CALU: variants seen among roughly 807,000 people sequenced by gnomAD.
The protein encoded by CALU is calumenin.
Under a neutral mutation model 37.5 loss-of-function variants are expected in CALU, and 13 were observed. The ratio of observed to expected loss-of-function variants is 0.35; its 90% CI spans 0.23 to 0.55. CALU has a LOEUF of 0.55. CALU is among the 20% of genes least tolerant of loss of function. The probability of loss-of-function intolerance (pLI) is 0.89; values close to 1 mark genes in which losing one functional copy is unlikely to be tolerated. For synonymous variants in CALU, 114 were observed against 133.8 expected, an observed-to-expected ratio of 0.85 and a Z score of 1.02; for missense variants, 282 against 391.7, an observed-to-expected ratio of 0.72 and a Z score of 2.36.
At chr7:128,752,067 G>A (rs1344180095) in intron 2 of CALU, among the ~76,000 whole-genome samples, 4 of 152,048 alleles carry the variant, frequency 2.6e-5, no homozygotes, top group African/African-American at 9.7e-5. Flanking sequence ...CACTTCCAGT[G>A]TACTTACACA....
chr7:128,743,226 G>A (rs1436308282), intron 1 of CALU, among the ~76,000 whole-genome samples: 1 of 151,978 alleles, frequency 6.6e-6, no homozygotes, highest in Non-Finnish European at 1.5e-5. Flanking sequence ...ATTTTAGAGA[G>A]AGAAACTCAT....
At chr7:128,745,859 G>A (rs1253336876) in intron 1 of CALU, among the ~76,000 whole-genome samples, 1 of 152,146 alleles carries the variant, frequency 6.6e-6, no homozygotes, top group East Asian at 1.9e-4. Flanking sequence ...AGACAGTACA[G>A]CAGGATACAG....
At chr7:128,757,401 T>C (rs1800930222) in intron 3 of CALU, among the ~76,000 whole-genome samples, 1 of 142,162 alleles carries the variant, frequency 7.0e-6, no homozygotes, top group South Asian at 2.2e-4. Context: ...GTACACAGGA[T>C]CCCAAAGCCT....
At chr7:128,758,610 T>C (rs577683335) in intron 3 of CALU, among the ~76,000 whole-genome samples, 102 of 152,282 alleles carry the variant, frequency 6.7e-4, no homozygotes, top group African/African-American at 2.3e-3. Flanking sequence ...CTAGTAGCCT[T>C]AATACCAATA....
At chr7:128,754,602 C>T (rs1440735920) in intron 3 of CALU, 147 bp downstream of exon 3, 5 of 1,551,510 alleles carry the variant, frequency 3.2e-6, no homozygotes, top group Admixed American at 2.0e-5. Context: ...CTGGATTAAG[C>T]ACGCCCAGAA....
chr7:128,766,965 T>G (rs1294489175), intron 5 of CALU, among the ~76,000 whole-genome samples: 1 of 152,212 alleles, frequency 6.6e-6, no homozygotes, highest in Non-Finnish European at 1.5e-5. Flanking sequence ...ACTGAGTATC[T>G]GGAATTTGAT....
chr7:128,768,919 G>A (rs1176324885), intron 6 of CALU, 144 bp from the exon 7 acceptor site: 3 of 528,362 alleles, frequency 5.7e-6, no homozygotes, highest in African/African-American at 3.9e-5. Context: ...TATGTAGGGG[G>A]AATGAGGGCT....
At chr7:128,757,392 TAC>T in intron 3 of CALU, among the ~76,000 whole-genome samples, 1 of 151,646 alleles carries the variant, frequency 6.6e-6, no homozygotes, top group Non-Finnish European at 1.5e-5. Context: ...TGTGTGTGTG[TAC>T]ACAGGATCCC....
intron 5 of CALU, among the ~76,000 whole-genome samples, chr7:128,761,124 T>G (rs995671117): frequency 1.4e-4 from 21 of 152,214 alleles, no homozygotes; most frequent in African/African-American, 4.8e-4. Flanking sequence ...CCTTTTGACA[T>G]TTCCCTTTTT....
intron 5 of CALU, among the ~76,000 whole-genome samples, chr7:128,762,551 C>CA (rs773604736): frequency 7.3e-5 from 11 of 150,226 alleles, no homozygotes; most frequent in Non-Finnish European, 7.4e-5. Flanking sequence ...GAAGCCCCAT[C>CA]AGTGCCTGTG....
At chr7:128,768,732 G>A (rs1801425772) in intron 6 of CALU, among the ~76,000 whole-genome samples, 1 of 151,628 alleles carries the variant, frequency 6.6e-6, no homozygotes, top group African/African-American at 2.4e-5. Flanking sequence ...CAGCTACTCG[G>A]GAGGCTGAGG....
chr7:128,769,047 C>T lies in CALU; in HGVS notation c.844-16C>T. 7.1e-7 allele frequency: 1 copy of T among 1,404,870 alleles called. No homozygotes were observed. Among genetic ancestry groups the T allele is most frequent in the South Asian group, 1.2e-5 (1 of 86,156 alleles). 87.0% of individuals were successfully genotyped at this position (1,404,870 alleles called of 1,614,324 possible). A position where few individuals can be genotyped will look rare whatever the true frequency, so the allele number is the denominator to read the frequency against. On this transcript the variant is annotated splice_polypyrimidine_tract_variant and intron_variant, in intron 6 of 6. Transcript: ENST00000249364. ...AAATATGTTCTTCTTCAATTCATTG[C>T]TATCTCTACTTTCAGGATGGCAAGC...
chr7:128,767,151 G>T (rs553488967), intron 5 of CALU, among the ~76,000 whole-genome samples: 1 of 152,282 alleles, frequency 6.6e-6, no homozygotes, highest in African/African-American at 2.4e-5. Context: ...ATGAAATGTA[G>T]GGAACGAGTC....
At chr7:128,759,127 T>TTATATATATATATGCTATATAGCATATCA in intron 4 of CALU, 90 bp downstream of exon 4, 2 of 874,056 alleles carry the variant, frequency 2.3e-6, no homozygotes, top group East Asian at 5.0e-5. Context: ...ATAGCATATC[T>TTATATATATATATGCTATATAGCATATCA]TATATATATA....
chr7:128,759,720 C>T (rs1253519100), intron 4 of CALU, 72 bp from the exon 5 acceptor site: 2 of 807,196 alleles, frequency 2.5e-6, no homozygotes, highest in Non-Finnish European at 4.4e-6. Flanking sequence ...TTTACCTAAA[C>T]TAGATACTTT....
At chr7:128,765,978 G>A (rs763971462) in intron 5 of CALU, among the ~76,000 whole-genome samples, 115 of 152,078 alleles carry the variant, frequency 7.6e-4, no homozygotes, top group Non-Finnish European at 1.5e-3. Context: ...TTGTTTCAAG[G>A]TGGAGTCTCT....
intron 1 of CALU, among the ~76,000 whole-genome samples, chr7:128,745,745 A>G (rs1357179290): frequency 6.6e-6 from 1 of 152,236 alleles, no homozygotes; most frequent in African/African-American, 2.4e-5. Flanking sequence ...TGATCAGTTG[A>G]ATTATTGGAG....
At position 128,771,680 on chromosome 7, in the gene CALU, C is replaced by G. The variant is rs1024838308; in HGVS notation, c.*2513C>G. 6.6e-6 allele frequency: 1 copy of G among 152,158 alleles called. No homozygotes were observed. The highest frequency in any genetic ancestry group is 2.4e-5 in the African/African-American group (1 of 41,428). 9.4% of individuals were successfully genotyped at this position (152,158 alleles called of 1,614,324 possible). A position where few individuals can be genotyped will look rare whatever the true frequency, so the allele number is the denominator to read the frequency against. ...TCACCACAGCCATAACCCTTTTTTA[C>G]TTCCATTAGGCCGTATAACTGGAGA... On this transcript the variant is annotated 3_prime_UTR_variant, in exon 7 of 7. Transcript: ENST00000249364.
In CALU at chr7:128,759,067, A is replaced by C. The variant is rs774478428; in HGVS notation, c.582+30A>C. On this transcript the variant is annotated intron_variant, in intron 4 of 6. Coordinates refer to ENST00000249364, the MANE Select transcript of CALU (RefSeq NM_001219.5). Reference sequence around the variant, plus strand: ...GTGAGATGAAGGATTCTGAACAGGGACTCAGTTTCTCTTTTTGTGGCTTAT... The same window carrying C: ...GTGAGATGAAGGATTCTGAACAGGGCCTCAGTTTCTCTTTTTGTGGCTTAT... 30 of 1,568,532 alleles carry C rather than the reference A, an allele frequency of 1.9e-5. No individual in the cohort carries two copies. In the Admixed American group the frequency reaches 5.1e-4, roughly 27 times the overall value.
Sources: allele counts gnomAD v4.1 joint callset (sites outside exome capture counted in the v4.1 genomes callset), GRCh38; gene constraint gnomAD v4.1.1; transcripts MANE v1.5; gene names NCBI Gene and HGNC (gene_info 2026-07-23, HGNC 2026-07-21).